The following NEO1 variants were observed in gnomAD, a reference collection of about 807,000 sequenced individuals.
NEO1 encodes neogenin 1.
In NEO1, 63 loss-of-function variants were observed where a neutral mutation model predicts 159.7. That is an observed-to-expected ratio of 0.39 (90% CI 0.32 to 0.49). The LOEUF is 0.49. Ranked by LOEUF, NEO1 falls within the 20% of genes least tolerant of loss-of-function variation. The pLI, the probability that NEO1 is intolerant of heterozygous loss-of-function variation, is 0.85. For synonymous variants in NEO1, 633 were observed against 662.0 expected, an observed-to-expected ratio of 0.96 and a Z score of 0.67; for missense variants, 1,615 against 1,831.0, an observed-to-expected ratio of 0.88 and a Z score of 2.15.
intron 7 of NEO1, among the ~76,000 whole-genome samples, chr15:73,225,970 C>T (rs2038563338): frequency 6.6e-6 from 1 of 152,200 alleles, no homozygotes; most frequent in Non-Finnish European, 1.5e-5. Flanking sequence ...GCCTTTCTCG[C>T]TGCTTCCTCT....
At chr15:73,097,776 CT>C (rs34165169) in intron 1 of NEO1, among the ~76,000 whole-genome samples, 119 of 75,538 alleles carry the variant, frequency 1.6e-3, no homozygotes, top group South Asian at 7.6e-3. Flanking sequence ...TGGAACTAGC[CT>C]TTTTTTTTTT....
Position 73,126,564 on chromosome 15 carries a change from C to T in NEO1, c.872C>T (p.Thr291Ile). The change falls in exon 4 of 29, where the codon ACA (threonine) becomes ATA (isoleucine). Residue 291 changes from threonine (T) to isoleucine (I), a missense_variant. Transcript: ENST00000261908. ...ATGAAAAATGAGGAGGCACTTGACA[C>T]AGAAAGGTAAGTGTTGTCTGCCTAA... ...KWMKNEEALDTESSERLVLLA... is the reference protein window; with the variant it reads ...KWMKNEEALDIESSERLVLLA... The T allele has an allele frequency of 6.2e-7, 1 of 1,612,646 alleles. No homozygotes were observed. Among genetic ancestry groups the T allele is most frequent in the Non-Finnish European group, 8.5e-7 (1 of 1,179,520 alleles).
At chr15:73,064,996 C>G (rs2068144003) in intron 1 of NEO1, among the ~76,000 whole-genome samples, 1 of 151,726 alleles carries the variant, frequency 6.6e-6, no homozygotes, top group Non-Finnish European at 1.5e-5. Flanking sequence ...TCTGTATTTC[C>G]CTCTCTTTTA....
chr15:73,290,541 A>T (rs2042127257), intron 25 of NEO1, among the ~76,000 whole-genome samples: 2 of 151,870 alleles, frequency 1.3e-5, no homozygotes. Flanking sequence ...CCCAGCCGGA[A>T]TTTTTTAAAC....
intron 1 of NEO1, among the ~76,000 whole-genome samples, chr15:73,092,988 G>T (rs1327640195): frequency 6.6e-6 from 1 of 151,942 alleles, no homozygotes; most frequent in East Asian, 1.9e-4. Context: ...ACATTTAATT[G>T]TTATGTCTTC....
chr15:73,228,547 TTTTTTGTTGTTGTTGTTG>T (rs2150806212), intron 7 of NEO1, among the ~76,000 whole-genome samples: 1 of 152,016 alleles, frequency 6.6e-6, no homozygotes, highest in South Asian at 2.1e-4. Context: ...TTTTGGGTTG[TTTTTTGTTGTTGTTGTTG>T]TTTTTGTTTT....
intron 4 of NEO1, among the ~76,000 whole-genome samples, chr15:73,127,632 T>C (rs1240019889): frequency 1.3e-5 from 2 of 152,242 alleles, no homozygotes; most frequent in Non-Finnish European, 2.9e-5. Context: ...AATTGAAATA[T>C]AATGCAAGCC....
chr15:73,200,314 C>T (rs2036790600), intron 7 of NEO1, among the ~76,000 whole-genome samples: 3 of 152,080 alleles, frequency 2.0e-5, no homozygotes, highest in Admixed American at 2.0e-4. Context: ...AGAGTGGTCG[C>T]TTACACCTAT....
chr15:73,264,056 G>A (rs1473879027), intron 15 of NEO1, among the ~76,000 whole-genome samples: 1 of 152,108 alleles, frequency 6.6e-6, no homozygotes, highest in African/African-American at 2.4e-5. Flanking sequence ...GCATGGTGGT[G>A]TGTGCTTCTA....
In NEO1 at chr15:73,212,856, G is replaced by A. The variant is rs531376506; in HGVS notation, c.1292-23491G>A. 4.6e-5 allele frequency among the ~76,000 whole-genome samples: 7 copies of A among 152,220 alleles called. 1 individual carries two copies. The South Asian group carries it at 1.0e-3, about 23-fold the overall frequency. On this transcript the variant is annotated intron_variant, in intron 7 of 28. Transcript: ENST00000261908. Reference sequence around the variant, plus strand: ...TAGAAATAATGAGGTTTGTCTTTATGTACTGTTATGGGAACCTCCTAAAGA... The same window carrying A: ...TAGAAATAATGAGGTTTGTCTTTATATACTGTTATGGGAACCTCCTAAAGA...
chr15:73,111,928 C>A (rs1244655893), intron 1 of NEO1, among the ~76,000 whole-genome samples: 4 of 152,158 alleles, frequency 2.6e-5, no homozygotes, highest in African/African-American at 4.8e-5. Context: ...AGCCACAGCA[C>A]CCAGCCAATG....
At chr15:73,128,840 T>G (rs2030698586) in intron 4 of NEO1, among the ~76,000 whole-genome samples, 1 of 152,208 alleles carries the variant, frequency 6.6e-6, no homozygotes, top group Non-Finnish European at 1.5e-5. Flanking sequence ...ACATCCAATT[T>G]TATTCAAAGA....
At chr15:73,158,994 A>T (rs1275104755) in intron 5 of NEO1, among the ~76,000 whole-genome samples, 1 of 152,188 alleles carries the variant, frequency 6.6e-6, no homozygotes, top group African/African-American at 2.4e-5. Flanking sequence ...GAGGTGTGGT[A>T]ATACACACCT....
At chr15:73,225,332 A>C (rs747384151) in intron 7 of NEO1, among the ~76,000 whole-genome samples, 1 of 152,048 alleles carries the variant, frequency 6.6e-6, no homozygotes, top group African/African-American at 2.4e-5. Flanking sequence ...GGTAGTATAG[A>C]GAGGAACCAG....
chr15:73,129,845 A>G (rs540122950), intron 4 of NEO1, among the ~76,000 whole-genome samples: 4 of 152,208 alleles, frequency 2.6e-5, no homozygotes, highest in Non-Finnish European at 4.4e-5. Context: ...TTGAGTAGAT[A>G]TATTTTTCCC....
intron 7 of NEO1, among the ~76,000 whole-genome samples, chr15:73,233,924 A>G (rs1273509940): frequency 6.6e-6 from 1 of 152,134 alleles, no homozygotes; most frequent in Non-Finnish European, 1.5e-5. Flanking sequence ...TATTATTCCT[A>G]ATTTACAGAT....
chr15:73,285,635 T>C (rs974722172), intron 23 of NEO1, among the ~76,000 whole-genome samples: 2 of 152,220 alleles, frequency 1.3e-5, no homozygotes, highest in African/African-American at 4.8e-5. Context: ...CTGAGGTTCA[T>C]TTAGATGGTA....
chr15:73,053,106 C>G (rs2067537213), intron 1 of NEO1, among the ~76,000 whole-genome samples: 1 of 152,146 alleles, frequency 6.6e-6, no homozygotes, highest in African/African-American at 2.4e-5. Context: ...GCTCATCCCA[C>G]TTGTAAGAGT....
chr15:73,142,147 A>G (rs914722479), intron 5 of NEO1, among the ~76,000 whole-genome samples: 1 of 152,204 alleles, frequency 6.6e-6, no homozygotes, highest in Admixed American at 6.5e-5. Context: ...TAAAATTGGA[A>G]ACTCATATGT....
Sources: gnomAD v4.1 joint callset for allele counts (sites outside exome capture counted in the v4.1 genomes callset) on GRCh38, gnomAD v4.1.1 for gene constraint, MANE v1.5 for transcripts, NCBI Gene and HGNC (gene_info 2026-07-23, HGNC 2026-07-21) for gene names.